The following BMAL2 variants were observed in gnomAD, a reference collection of about 807,000 sequenced individuals.
BMAL2 encodes basic helix-loop-helix ARNT-like protein 2.
chr12:27,351,425 T>A, the BMAL2 span, among the ~76,000 whole-genome samples: 1 of 152,236 alleles, frequency 6.6e-6, no homozygotes, highest in African/African-American at 2.4e-5. Context: ...TTGCTGACTT[T>A]GCATGGACTG....
At chr12:27,411,601 G>A in the BMAL2 span, among the ~76,000 whole-genome samples, 1 of 152,108 alleles carries the variant, frequency 6.6e-6, no homozygotes. Context: ...TAGTGATATC[G>A]ACTGCCTTTT....
At chr12:27,392,668 GAAATCCGT>G in the BMAL2 span, among the ~76,000 whole-genome samples, 2 of 147,960 alleles carry the variant, frequency 1.4e-5, no homozygotes, top group Non-Finnish European at 3.0e-5. Flanking sequence ...AATCTACACA[GAAATCCGT>G]AAGAGGAAAA....
At chr12:27,390,365 A>G in the BMAL2 span, 1 of 1,166,012 alleles carries the variant, frequency 8.6e-7, no homozygotes, top group Non-Finnish European at 1.2e-6. Context: ...CATCTTAAAA[A>G]TAAGATTTTT....
chr12:27,395,261 GCTC>G, the BMAL2 span, among the ~76,000 whole-genome samples: 5 of 152,254 alleles, frequency 3.3e-5, no homozygotes, highest in African/African-American at 4.8e-5. Flanking sequence ...CCTTGTCTGG[GCTC>G]CTCCTCCTTT....
At chr12:27,345,742 A>G in the BMAL2 span, among the ~76,000 whole-genome samples, 3 of 152,114 alleles carry the variant, frequency 2.0e-5, no homozygotes, top group African/African-American at 4.8e-5. Context: ...GGCTCAAGCT[A>G]TCTGCCCATC....
the BMAL2 span, among the ~76,000 whole-genome samples, chr12:27,333,943 T>G: frequency 6.6e-6 from 1 of 152,228 alleles, no homozygotes; most frequent in Non-Finnish European, 1.5e-5. Flanking sequence ...AGCTGTTGTT[T>G]AAGACAAATG....
chr12:27,366,513 T>C, the BMAL2 span, among the ~76,000 whole-genome samples: 2 of 152,220 alleles, frequency 1.3e-5, no homozygotes, highest in Non-Finnish European at 2.9e-5. Flanking sequence ...TTTATATGCA[T>C]TTTAATATGA....
chr12:27,383,048 C>A, the BMAL2 span, among the ~76,000 whole-genome samples: 1 of 152,210 alleles, frequency 6.6e-6, no homozygotes, highest in Admixed American at 6.5e-5. Context: ...TGCTCTGCAG[C>A]ATGAGGTCCT....
the BMAL2 span, among the ~76,000 whole-genome samples, chr12:27,375,854 G>A: frequency 6.6e-6 from 1 of 152,142 alleles, no homozygotes; most frequent in South Asian, 2.1e-4. Context: ...ATTGGTAAGA[G>A]TTTCCAGTTT....
chr12:27,425,158 G>GT, the BMAL2 span: 19 of 151,786 alleles, frequency 1.3e-4, no homozygotes, highest in East Asian at 3.5e-3. Context: ...CTCTTTTCCA[G>GT]TTCACTTGTG....
the BMAL2 span, among the ~76,000 whole-genome samples, chr12:27,341,070 TC>T: frequency 1.3e-5 from 2 of 151,478 alleles, no homozygotes; most frequent in Non-Finnish European, 3.0e-5. Flanking sequence ...TAGTTTGACT[TC>T]CTTTCTTCTT....
At chr12:27,372,408 C>G in the BMAL2 span, among the ~76,000 whole-genome samples, 1 of 152,098 alleles carries the variant, frequency 6.6e-6, no homozygotes, top group Non-Finnish European at 1.5e-5. Flanking sequence ...TTTATCCAGT[C>G]CTCTGTTGAT....
chr12:27,389,020 CT>C, the BMAL2 span, among the ~76,000 whole-genome samples: 1 of 152,128 alleles, frequency 6.6e-6, no homozygotes, highest in African/African-American at 2.4e-5. Context: ...AAGTATCACC[CT>C]GCTTTGAACA....
the BMAL2 span, chr12:27,370,074 T>C: frequency 7.6e-7 from 1 of 1,307,970 alleles, no homozygotes; most frequent in Non-Finnish European, 1.1e-6. Flanking sequence ...ACAGGCTTGC[T>C]GTCCATTCCC....
chr12:27,425,162 A>G, the BMAL2 span: 3 of 151,948 alleles, frequency 2.0e-5, no homozygotes, highest in South Asian at 6.3e-4. Flanking sequence ...TTTCCAGTTC[A>G]CTTGTGCTCG....
the BMAL2 span, among the ~76,000 whole-genome samples, chr12:27,339,687 C>T: frequency 2.0e-5 from 3 of 150,580 alleles, no homozygotes; most frequent in East Asian, 1.9e-4. Context: ...TGCAGTGGTG[C>T]GATCTCTGCT....
At chr12:27,357,097 T>C in the BMAL2 span, among the ~76,000 whole-genome samples, 1 of 152,224 alleles carries the variant, frequency 6.6e-6, no homozygotes, top group Admixed American at 6.5e-5. Context: ...TTCCTTTTTA[T>C]GGCTGAGTAG....
At chr12:27,338,966 CTTTTA>C in the BMAL2 span, among the ~76,000 whole-genome samples, 1 of 151,784 alleles carries the variant, frequency 6.6e-6, no homozygotes, top group African/African-American at 2.4e-5. Flanking sequence ...TTTTTTTTAA[CTTTTA>C]TTTTAAGTTC....
At chr12:27,399,874 A>G in the BMAL2 span, among the ~76,000 whole-genome samples, 1 of 152,172 alleles carries the variant, frequency 6.6e-6, no homozygotes, top group Non-Finnish European at 1.5e-5. Flanking sequence ...TTGAGGATAT[A>G]GATTATTTCC....
Sources: gnomAD v4.1 joint callset for allele counts (sites outside exome capture counted in the v4.1 genomes callset) on GRCh38, gnomAD v4.1.1 for gene constraint, MANE v1.5 for transcripts, NCBI Gene and HGNC (gene_info 2026-07-23, HGNC 2026-07-21) for gene names.